The following ZNF394 variants were observed in gnomAD, a reference collection of about 807,000 sequenced individuals.
ZNF394 encodes zinc finger protein 99.
A neutral mutation model predicts 21.8 loss-of-function variants in ZNF394; 19 were observed. That is an observed-to-expected ratio of 0.87 (90% confidence interval 0.61 to 1.28). The LOEUF is 1.28. Ranked by LOEUF, ZNF394 falls within the 50% of genes most tolerant of loss-of-function variation. The pLI, the probability that ZNF394 is intolerant of heterozygous loss-of-function variation, is 0.00. For missense variants in ZNF394, 683 were observed against 708.6 expected (o/e 0.96, Z 0.41); for synonymous variants, 294 against 273.3 (o/e 1.08, Z -0.75).
downstream of ZNF394, among the ~76,000 whole-genome samples, chr7:99,488,652 G>C (rs545747249): frequency 5.3e-5 from 8 of 151,180 alleles, no homozygotes; most frequent in Admixed American, 4.0e-4. Flanking sequence ...TAATCAGGCC[G>C]GGCATGGTGG....
intron 1 of ZNF394, among the ~76,000 whole-genome samples, chr7:99,488,158 A>T (rs1224416693): frequency 6.6e-6 from 1 of 151,260 alleles, no homozygotes; most frequent in Non-Finnish European, 1.5e-5. Context: ...CATTCCCTCC[A>T]GCCTAGTTAA....
downstream of ZNF394, among the ~76,000 whole-genome samples, chr7:99,488,791 A>C (rs1371444544): frequency 2.0e-5 from 3 of 150,954 alleles, no homozygotes; most frequent in East Asian, 2.0e-4. Context: ...AGCCAGGCAC[A>C]GTGGTGGGCG....
Position 99,500,002 on chromosome 7 carries a change from G to A in ZNF394, c.92C>T (p.Ser31Phe). 1 of 1,610,894 alleles carries A rather than the reference G, an allele frequency of 6.2e-7. No individual in the cohort carries two copies. The highest frequency in any genetic ancestry group is 8.5e-7 in the Non-Finnish European group (1 of 1,179,730). The change falls in exon 1 of 3, where the codon TCC becomes TTC. Residue 31 changes from serine (S) to phenylalanine (F), a missense_variant. By Grantham distance (155) the Ser-to-Phe change is radical (BLOSUM62 -2). Coordinates refer to ENST00000337673, the MANE Select transcript of ZNF394 (RefSeq NM_032164.4). ...CACGGGCAAAAGTCCGTCGCGTTGG[G>A]ACGGCGCCGCGTCCTTGGACCTCGC... ...MAARSKDAAP[S>F]QRDGLLPVKV...
downstream of ZNF394, among the ~76,000 whole-genome samples, chr7:99,491,131 G>C (rs1410535991): frequency 1.3e-5 from 2 of 152,116 alleles, no homozygotes; most frequent in African/African-American, 4.8e-5. Context: ...CCCTAGTGGA[G>C]CTGAGCAGAC....
chr7:99,488,071 CAA>C (rs1180851983), intron 1 of ZNF394, among the ~76,000 whole-genome samples: 5,483 of 67,850 alleles, frequency 0.081, 83 homozygotes, highest in African/African-American at 0.1. Context: ...GACTCCGTCT[CAA>C]AAAAAAAAAA....
At chr7:99,496,932 T>C (rs900300029) in intron 2 of ZNF394, among the ~76,000 whole-genome samples, 5 of 151,312 alleles carry the variant, frequency 3.3e-5, no homozygotes, top group Admixed American at 6.6e-5. Flanking sequence ...TGGTGGCATA[T>C]ACATTAGTTA....
Position 99,494,309 on chromosome 7 carries a change from C to T in ZNF394, c.906G>A (p.Pro302=), listed in dbSNP as rs377299313. The stretch of plus-strand genomic sequence containing the variant: ...CACTGTCAGTGGGCCTCTCTGCTTT[C>T]GGGATGTGCTGACATAGAACAAGGT... ...CSNLVLCQHI[P]KAERPTDSEE... The change falls in exon 3 of 3, where the codon CCG becomes CCA. Residue 302 remains proline, a synonymous_variant. Coordinates refer to ENST00000337673, the MANE Select transcript of ZNF394 (RefSeq NM_032164.4). 50 of 1,614,212 alleles carry T rather than the reference C, an allele frequency of 3.1e-5. No individual in the cohort carries two copies. Among genetic ancestry groups the T allele is most frequent in the Admixed American group, 2.7e-4 (16 of 60,008 alleles).
At chr7:99,498,346 T>C (rs1419069941) in intron 2 of ZNF394, 2 of 185,524 alleles carry the variant, frequency 1.1e-5, no homozygotes, top group Non-Finnish European at 2.3e-5. Flanking sequence ...GCTTACTGGC[T>C]ACCTCTGGAG....
rs1228275464 is a variant in ZNF394, at chr7:99,497,134, ATATATATG to A, written c.583+1574_583+1581del. Among the ~76,000 whole-genome samples the A allele has an allele frequency of 4.5e-4, 58 of 128,800 alleles. 4 individuals are homozygous for A. Among genetic ancestry groups the A allele is most frequent in the African/African-American group, 1.2e-3 (33 of 27,186 alleles). 84.5% of individuals were successfully genotyped at this position (128,800 alleles called of 152,430 possible). On this transcript the variant is annotated intron_variant, in intron 2 of 2. Transcript: ENST00000337673. ...TGTGTGTGTGTGTGTATATATATAT[ATATATATG>A]TATATATATATATAAAATGTTTTTT...
chr7:99,499,561 A>G (rs1800450258), intron 1 of ZNF394, 77 bp downstream of exon 1: 1 of 1,319,610 alleles, frequency 7.6e-7, no homozygotes, highest in South Asian at 1.4e-5. Flanking sequence ...ATAAGGAAGT[A>G]AGTTCCGAAA....
At chr7:99,494,785 A>G (rs1001428344) in intron 2 of ZNF394, among the ~76,000 whole-genome samples, 154 bp from the exon 3 acceptor site, 9 of 152,130 alleles carry the variant, frequency 5.9e-5, no homozygotes, top group African/African-American at 2.2e-4. Context: ...ACCAGGCTGG[A>G]GTGCAGTGGT....
chr7:99,486,546 T>C (rs1162706581), exon 2 of ZNF394: 1 of 1,613,986 alleles, frequency 6.2e-7, no homozygotes, highest in Non-Finnish European at 8.5e-7. Context: ...TAGAGTCATA[T>C]AAGATATCAG....
At chr7:99,496,338 G>A (rs951789899) in intron 2 of ZNF394, among the ~76,000 whole-genome samples, 7 of 150,878 alleles carry the variant, frequency 4.6e-5, no homozygotes, top group African/African-American at 1.7e-4. Context: ...TTACAGGTAT[G>A]AGCCACCACA....
chr7:99,486,838 AT>A (rs781498504), exon 2 of ZNF394: 2 of 1,614,184 alleles, frequency 1.2e-6, no homozygotes, highest in Admixed American at 3.3e-5. Flanking sequence ...TGGAAAAGTC[AT>A]TAGGCGTAAG....
chr7:99,488,135 C>T (rs1206689251), intron 1 of ZNF394, among the ~76,000 whole-genome samples: 1 of 151,270 alleles, frequency 6.6e-6, no homozygotes, highest in Non-Finnish European at 1.5e-5. Context: ...CTCTCTTGCA[C>T]CCTCTATGCC....
Position 99,497,029 on chromosome 7 carries a change from T to G in ZNF394, c.583+1687A>C, listed in dbSNP as rs887795295. ...CCAAGTCCCCCAGTGATGCCTGAAA[T>G]TGTGTATAGTACCAAAGCCTATATA... On this transcript the variant is annotated intron_variant, in intron 2 of 2. Transcript: ENST00000337673. 4.0e-5 allele frequency among the ~76,000 whole-genome samples: 6 copies of G among 148,916 alleles called. No individual in the cohort carries two copies. The East Asian group carries it at 1.2e-3, about 29-fold the overall frequency.
In ZNF394 at chr7:99,486,608, A is replaced by T. The variant is rs1421712919; in HGVS notation, n.439T>A. ...CTTTCAGAAAAGTTACATAAGTGTA[A>T]AGAATTTGTGGACAGTTGCAGGCTT... On this transcript the variant is annotated non_coding_transcript_exon_variant, in exon 2 of 2. Coordinates refer to the ZNF394 transcript ENST00000462024. The T allele has an allele frequency of 8.1e-6, 13 of 1,614,084 alleles. No homozygotes were observed. Among genetic ancestry groups the T allele is most frequent in the Non-Finnish European group, 1.1e-5 (13 of 1,180,046 alleles).
intron 1 of ZNF394, 133 bp downstream of exon 1, chr7:99,499,505 T>C (rs1800448216): frequency 1.3e-6 from 1 of 787,430 alleles, no homozygotes; most frequent in African/African-American, 1.7e-5. Flanking sequence ...CACTGTGGCC[T>C]ACAGAAAGGA....
In ZNF394 at chr7:99,494,208, C is replaced by G. The variant is rs1243740425; in HGVS notation, c.1007G>C (p.Ser336Thr). Residue 336 changes from serine (S) to threonine (T), a missense_variant, in exon 3 of 3, where the codon AGT (serine) becomes ACT (threonine). Physicochemically the swap from Ser to Thr is moderately conservative, Grantham distance 58. Around this residue, in one of 3 missense-constraint regions of ZNF394, gnomAD observed 274 missense variants for 314.1 expected, o/e 0.87. Transcript: ENST00000337673. ...GCTGGAATGATGGAAACTGTCTCCA[C>G]TGTCAGACTTGTGAGGTTTCAGCAC... ...WHVLKPHKSD[S>T]GDSFHHSSLF... The G allele has an allele frequency of 1.2e-6, 2 of 1,614,262 alleles. No homozygotes were observed. Among genetic ancestry groups the G allele is most frequent in the East Asian group, 4.5e-5 (2 of 44,892 alleles).
Sources: gnomAD v4.1 joint callset for allele counts (sites outside exome capture counted in the v4.1 genomes callset) on GRCh38, gnomAD v4.1.1 for gene constraint, gnomAD v4.1.1 regional missense constraint, MANE v1.5 for transcripts, NCBI Gene and HGNC (gene_info 2026-07-23, HGNC 2026-07-21) for gene names.